The following DDX17 variants were observed in gnomAD, a reference collection of about 807,000 sequenced individuals.
DDX17 encodes DEAD-box helicase 17, also known as probable ATP-dependent RNA helicase DDX17.
Under a neutral mutation model 80.8 loss-of-function variants are expected in DDX17, and 10 were observed. The ratio of observed to expected loss-of-function variants is 0.12; its 90% CI spans 0.08 to 0.21. The LOEUF (loss-of-function observed/expected upper bound fraction) is 0.21. DDX17 is among the 10% of genes least tolerant of loss of function. The pLI, the probability that DDX17 is intolerant of heterozygous loss-of-function variation, is 1.00. For synonymous variants in DDX17, 339 were observed against 336.2 expected (o/e 1.01, Z -0.09); for missense variants, 586 against 957.4 (o/e 0.61, Z 5.12).
chr22:38,499,373 T>C (rs1237501133), intron 3 of DDX17, 27 bp downstream of exon 3: 2 of 1,577,316 alleles, frequency 1.3e-6, no homozygotes, highest in Admixed American at 1.7e-5. Context: ...TTTAACAAAT[T>C]AAGGTTCTAG....
intron 1 of DDX17, 182 bp downstream of exon 1, chr22:38,505,769 C>G (rs2089875377): frequency 1.3e-6 from 1 of 745,542 alleles, no homozygotes; most frequent in African/African-American, 1.9e-5. Context: ...GGCCGCCCTC[C>G]TCGGGTCCCG....
At chr22:38,490,793 C>T (rs1159847719) in intron 11 of DDX17, 4 of 210,002 alleles carry the variant, frequency 1.9e-5, no homozygotes, top group Non-Finnish European at 2.9e-5. Flanking sequence ...GGGCCCAAAA[C>T]AAGCACTGAT....
chr22:38,489,882 G>A lies in DDX17; in HGVS notation c.1448-1767C>T, dbSNP rs2089696032. The A allele has an allele frequency of 1.0e-6, 1 of 986,608 alleles. No individual in the cohort carries two copies. The highest frequency in any genetic ancestry group is 1.2e-6 in the Non-Finnish European group (1 of 830,750). 61.1% of individuals were successfully genotyped at this position (986,608 alleles called of 1,614,324 possible). Reference sequence around the variant, plus strand: ...AATTCTACTCCATGGTATCTTCAGAGCTAGGATAATGCTCCTTATGCAATC... The same window carrying A: ...AATTCTACTCCATGGTATCTTCAGAACTAGGATAATGCTCCTTATGCAATC... On this transcript the variant is annotated intron_variant, in intron 11 of 12. Coordinates refer to ENST00000403230, the MANE Select transcript of DDX17 (RefSeq NM_006386.5). The surrounding 1 kb of genome is among the most constrained non-coding windows in gnomAD (Gnocchi z 4.6).
chr22:38,488,632 T>A (rs2089685172), intron 11 of DDX17: 3 of 987,590 alleles, frequency 3.0e-6, no homozygotes, highest in Non-Finnish European at 3.6e-6. Flanking sequence ...ATTTTATTAC[T>A]ACAATTTAAA....
intron 12 of DDX17, among the ~76,000 whole-genome samples, chr22:38,487,168 C>T (rs1197476064): frequency 6.6e-6 from 1 of 152,022 alleles, no homozygotes; most frequent in African/African-American, 2.4e-5. Flanking sequence ...ACTGTCTCTG[C>T]CCCCGCCCCG....
rs201173235 is a variant in DDX17, at chr22:38,495,979, TAAAAAAAAAA to T, written c.739-52_739-43del. ...GACACTTGAGACCTCATCCAAGGTTTAAAAAAAAAAAAAAAAAAAAGAAGAAACAAAATAC... is the reference window on the plus strand; with the variant it reads ...GACACTTGAGACCTCATCCAAGGTTTAAAAAAAAAAGAAGAAACAAAATAC... On this transcript the variant is annotated intron_variant, in intron 5 of 12. Coordinates refer to ENST00000403230, the MANE Select transcript of DDX17 (RefSeq NM_006386.5). The T allele has an allele frequency of 1.0e-3, 810 of 803,930 alleles. 10 individuals carry two copies. In the East Asian group the frequency reaches 0.022, roughly 22 times the overall value. The allele number at this position is 803,930 out of a possible 1,614,324, so 49.8% of individuals were successfully genotyped here.
intron 12 of DDX17, 48 bp downstream of exon 12, chr22:38,487,830 TA>T (rs775622387): frequency 1.4e-5 from 23 of 1,607,534 alleles, no homozygotes; most frequent in Non-Finnish European, 2.0e-5. Context: ...ACAGAAGGCG[TA>T]AAGAGATACC....
chr22:38,490,088 A>C (rs1173060251), intron 11 of DDX17: 5 of 1,093,442 alleles, frequency 4.6e-6, no homozygotes, highest in African/African-American at 3.3e-5. Context: ...CATACTAGAA[A>C]GGTGTCCTGT....
intron 1 of DDX17, among the ~76,000 whole-genome samples, chr22:38,504,850 G>A (rs774463259): frequency 6.6e-6 from 1 of 151,914 alleles, no homozygotes; most frequent in Non-Finnish European, 1.5e-5. Flanking sequence ...CTCACAAAAG[G>A]TAGGATCTTG....
At chr22:38,491,135 A>G (rs1279532547) in intron 11 of DDX17, 1 of 152,298 alleles carries the variant, frequency 6.6e-6, no homozygotes, top group Admixed American at 6.5e-5. Context: ...ACTTTCCATC[A>G]TGGCTGCAGG....
intron 5 of DDX17, 42 bp from the exon 6 acceptor site, chr22:38,495,979 T>TAAAAA (rs201173235): frequency 3.4e-5 from 27 of 803,862 alleles, no homozygotes; most frequent in African/African-American, 2.4e-4. Context: ...ATCCAAGGTT[T>TAAAAA]AAAAAAAAAA....
At chr22:38,498,373 C>T (rs1347878118) in intron 4 of DDX17, 67 bp downstream of exon 4, 15 of 1,596,544 alleles carry the variant, frequency 9.4e-6, no homozygotes, top group African/African-American at 4.0e-5. Context: ...GAACTGAGAA[C>T]GTATGACAAC....
Position 38,499,411 on chromosome 22 carries a change from G to A in DDX17, c.527C>T (p.Ala176Val). Residue 176 changes from alanine to valine, a missense_variant, in exon 3 of 13, where the codon GCT becomes GTT. By Grantham distance (64) the Ala-to-Val change is moderately conservative (BLOSUM62 0). Coordinates refer to ENST00000403230, the MANE Select transcript of DDX17 (RefSeq NM_006386.5). ...TGAAGAACACTTACGTGGGAAGTTA[G>A]CATGATGGAAGGCAAACACGGGTTT... is the stretch of plus-strand genomic sequence containing the variant. The A allele has an allele frequency of 6.2e-7, 1 of 1,613,414 alleles. No individual in the cohort carries two copies. Among genetic ancestry groups the A allele is most frequent in the Non-Finnish European group, 8.5e-7 (1 of 1,179,358 alleles).
At chr22:38,497,285 G>A (rs1450784235) in intron 5 of DDX17, among the ~76,000 whole-genome samples, 5 of 74,140 alleles carry the variant, frequency 6.7e-5, no homozygotes, top group African/African-American at 1.7e-4. Flanking sequence ...AACCAAGAGC[G>A]AAACTCCATC....
intron 2 of DDX17, among the ~76,000 whole-genome samples, chr22:38,499,783 C>A (rs991889491): frequency 8.5e-5 from 13 of 152,180 alleles, no homozygotes; most frequent in African/African-American, 3.1e-4. Flanking sequence ...GGAACTTGGA[C>A]CCAAGTACTC....
chr22:38,497,324 T>TAAAAAAA (rs2089778961), intron 5 of DDX17, among the ~76,000 whole-genome samples: 2 of 45,914 alleles, frequency 4.4e-5, no homozygotes, highest in Non-Finnish European at 9.0e-5. Flanking sequence ...AAAAAAAAAG[T>TAAAAAAA]ACACATTCAA....
intron 1 of DDX17, among the ~76,000 whole-genome samples, chr22:38,503,552 A>G (rs1319290081): frequency 1.3e-5 from 2 of 152,186 alleles, no homozygotes; most frequent in Non-Finnish European, 2.9e-5. Context: ...ATTAATGCTG[A>G]CATAATTAAT....
Position 38,489,028 on chromosome 22 carries a change from G to A in DDX17, c.1448-913C>T. On this transcript the variant is annotated intron_variant, in intron 11 of 12. Transcript: ENST00000403230. This position sits in a 1 kb window ranked among gnomAD's most constrained non-coding sequence, Gnocchi z 4.6. ...TGAATAACCTCCTAAGGCTTAAAAT[G>A]TAAATGTTAGTGTAATGCTTTCAGC... 6.1e-6 allele frequency: 6 copies of A among 984,896 alleles called. No homozygotes were observed. Among genetic ancestry groups the A allele is most frequent in the Non-Finnish European group, 7.2e-6 (6 of 829,528 alleles). 61.0% of individuals were successfully genotyped at this position (984,896 alleles called of 1,614,324 possible). A position where few individuals can be genotyped will look rare whatever the true frequency, so the allele number is the denominator to read the frequency against.
In DDX17 at chr22:38,486,300, C is replaced by T. The variant is rs773725148; in HGVS notation, c.1825G>A (p.Asp609Asn). The T allele has an allele frequency of 1.1e-5, 18 of 1,614,090 alleles. No homozygotes were observed. Among genetic ancestry groups the T allele is most frequent in the Middle Eastern group, 3.3e-4 (2 of 6,084 alleles). Residue 609 changes from aspartate (D) to asparagine (N), a missense_variant, in exon 13 of 13, where the codon GAT becomes AAT. Physicochemically the swap from Asp to Asn is conservative, Grantham distance 23. Coordinates refer to ENST00000403230, the MANE Select transcript of DDX17 (RefSeq NM_006386.5). The stretch of plus-strand genomic sequence containing the variant: ...CTGCCATTAGCATAACCAGCTCTAT[C>T]GGTTTCACTACGATCCCGATAGCTT...
Sources: gnomAD v4.1 joint callset for allele counts (sites outside exome capture counted in the v4.1 genomes callset) on GRCh38, gnomAD v4.1.1 for gene constraint, Gnocchi (gnomAD v3.1) non-coding constraint, MANE v1.5 for transcripts, NCBI Gene and HGNC (gene_info 2026-07-23, HGNC 2026-07-21) for gene names.